Variants in MNAT1 observed in about 807,000 individuals in gnomAD.
MNAT1 encodes the protein CDK-activating kinase assembly factor MAT1.
Under a neutral mutation model 42.0 loss-of-function variants are expected in MNAT1, and 43 were observed. The observed-to-expected ratio is 1.02, with a 90% CI of 0.80 to 1.32. The LOEUF is 1.32. Among genes scored for constraint, MNAT1 ranks in the 40% most tolerant of loss-of-function variants. MNAT1 has a pLI of 0.00. For synonymous variants in MNAT1, 118 were observed against 120.0 expected, an observed-to-expected ratio of 0.98 and a Z score of 0.11; for missense variants, 306 against 350.4, an observed-to-expected ratio of 0.87 and a Z score of 1.01.
At chr14:60,890,107 A>G (rs1309368191) in intron 7 of MNAT1, among the ~76,000 whole-genome samples, 1 of 152,206 alleles carries the variant, frequency 6.6e-6, no homozygotes, top group African/African-American at 2.4e-5. Flanking sequence ...CTGGGTATAT[A>G]CCCAAAGGAC....
chr14:60,801,992 G>T (rs1036439950), intron 3 of MNAT1, among the ~76,000 whole-genome samples: 2 of 152,190 alleles, frequency 1.3e-5, no homozygotes, highest in Non-Finnish European at 2.9e-5. Flanking sequence ...CAACCTGGAG[G>T]ACATTATGCT....
At chr14:60,962,006 T>C (rs1341697461) in intron 7 of MNAT1, among the ~76,000 whole-genome samples, 1 of 152,198 alleles carries the variant, frequency 6.6e-6, no homozygotes, top group African/African-American at 2.4e-5. Flanking sequence ...TTCCAAGAAG[T>C]GACACTTGTT....
intron 6 of MNAT1, among the ~76,000 whole-genome samples, chr14:60,861,354 T>G (rs1444986936): frequency 1.3e-5 from 2 of 152,102 alleles, no homozygotes; most frequent in Non-Finnish European, 2.9e-5. Flanking sequence ...ATTTAAAACA[T>G]CTTCCTTAGA....
chr14:60,809,175 A>G (rs926390089), intron 4 of MNAT1, among the ~76,000 whole-genome samples: 2 of 152,136 alleles, frequency 1.3e-5, no homozygotes, highest in African/African-American at 4.8e-5. Context: ...TGTAGGGGAA[A>G]GCAGAGGTAA....
chr14:60,808,339 A>C lies in MNAT1; in HGVS notation c.331A>C (p.Asn111His), dbSNP rs193166798. ...TTCTAATGCAGTTTTCAACTTGACC[A>C]ACAATGTGGATTTGGACAACACCAA... Reference protein sequence around the residue: ...EVEEIVFNLTNNVDLDNTKKK... With the variant: ...EVEEIVFNLTHNVDLDNTKKK... The change falls in exon 4 of 8, where the codon AAC becomes CAC. Residue 111 changes from asparagine (N) to histidine (H), a missense_variant. By Grantham distance (68) the Asn-to-His change is moderately conservative. Transcript: ENST00000261245. 12 of 1,573,450 alleles carry C rather than the reference A, an allele frequency of 7.6e-6. No individual in the cohort carries two copies. The Admixed American group carries it at 2.4e-4, about 32-fold the overall frequency.
At chr14:60,770,733 G>C (rs192423131) in intron 1 of MNAT1, among the ~76,000 whole-genome samples, 1 of 151,982 alleles carries the variant, frequency 6.6e-6, no homozygotes, top group Non-Finnish European at 1.5e-5. Flanking sequence ...AAATGGTTGC[G>C]TTATTTTATA....
chr14:60,797,016 A>G (rs1474631743), intron 2 of MNAT1, among the ~76,000 whole-genome samples: 1 of 152,032 alleles, frequency 6.6e-6, no homozygotes, highest in Non-Finnish European at 1.5e-5. Flanking sequence ...ATATACCTAT[A>G]TATTATTAAT....
intron 7 of MNAT1, among the ~76,000 whole-genome samples, chr14:60,907,828 A>C (rs1173618395): frequency 2.0e-5 from 3 of 150,686 alleles, no homozygotes; most frequent in Non-Finnish European, 4.4e-5. Context: ...AATTTTAATG[A>C]AACAAAGATT....
At chr14:60,955,986 T>C (rs1458286228) in intron 7 of MNAT1, among the ~76,000 whole-genome samples, 2 of 152,104 alleles carry the variant, frequency 1.3e-5, no homozygotes, top group East Asian at 3.8e-4. Context: ...TTTTTCTTTC[T>C]ATTGTATGTC....
At chr14:60,866,629 T>C (rs2034209372) in intron 6 of MNAT1, among the ~76,000 whole-genome samples, 1 of 152,100 alleles carries the variant, frequency 6.6e-6, no homozygotes, top group Admixed American at 6.6e-5. Context: ...ACTCATGCCT[T>C]TCTCAAAAGT....
intron 7 of MNAT1, among the ~76,000 whole-genome samples, chr14:60,908,569 G>A (rs1415276340): frequency 3.3e-5 from 5 of 151,526 alleles, no homozygotes; most frequent in South Asian, 2.1e-4. Context: ...GAGAACATGC[G>A]GTGTTTGGTT....
At chr14:60,803,702 T>A (rs1333095992) in intron 3 of MNAT1, among the ~76,000 whole-genome samples, 7 of 152,092 alleles carry the variant, frequency 4.6e-5, no homozygotes, top group Non-Finnish European at 8.8e-5. Flanking sequence ...AAATCTGGAG[T>A]AAGAAAACTA....
intron 1 of MNAT1, among the ~76,000 whole-genome samples, chr14:60,752,937 G>A (rs1189708772): frequency 2.0e-5 from 3 of 152,094 alleles, no homozygotes; most frequent in South Asian, 4.1e-4. Context: ...ACTAATTTTT[G>A]TATTTTTAGT....
intron 7 of MNAT1, among the ~76,000 whole-genome samples, 176 bp from the exon 8 acceptor site, chr14:60,968,053 T>C (rs528027237): frequency 1.3e-5 from 2 of 152,374 alleles, no homozygotes; most frequent in East Asian, 3.9e-4. Flanking sequence ...AGGCACTCCA[T>C]GTACAGTTGG....
At position 60,879,783 on chromosome 14, in the gene MNAT1, A is replaced by G. The variant is rs767101957; in HGVS notation, c.757A>G (p.Ile253Val). The G allele has an allele frequency of 6.2e-7, 1 of 1,613,356 alleles. No individual in the cohort carries two copies. Among genetic ancestry groups the G allele is most frequent in the Non-Finnish European group, 8.5e-7 (1 of 1,179,468 alleles). Residue 253 changes from isoleucine (I) to valine (V), a missense_variant, in exon 7 of 8, where the codon ATA becomes GTA. Around this residue, in one of 3 missense-constraint regions of MNAT1, gnomAD observed 116 missense variants for 139.6 expected, o/e 0.83. Coordinates refer to ENST00000261245, the MANE Select transcript of MNAT1 (RefSeq NM_002431.4). ...EALYEYQPLQ[I>V]ETYGPHVPEL... ...TCTGTATGAATACCAGCCACTGCAGATAGAGACATATGGACCACATGTTCC... is the reference window on the plus strand; with the variant it reads ...TCTGTATGAATACCAGCCACTGCAGGTAGAGACATATGGACCACATGTTCC...
chr14:60,752,887 C>T (rs2030160094), intron 1 of MNAT1, among the ~76,000 whole-genome samples: 1 of 152,176 alleles, frequency 6.6e-6, no homozygotes, highest in African/African-American at 2.4e-5. Flanking sequence ...GCCTCAGCTT[C>T]CCGAGTAGCT....
intron 7 of MNAT1, among the ~76,000 whole-genome samples, chr14:60,918,842 G>T (rs1594872422): frequency 6.6e-6 from 1 of 151,148 alleles, no homozygotes; most frequent in Non-Finnish European, 1.5e-5. Context: ...TCTGAAATTG[G>T]GTTGTGGTGA....
chr14:60,962,670 C>T (rs1416755062), intron 7 of MNAT1, among the ~76,000 whole-genome samples: 1 of 152,106 alleles, frequency 6.6e-6, no homozygotes, highest in Non-Finnish European at 1.5e-5. Context: ...AGTTATAAGG[C>T]AGAAAGTCTT....
intron 7 of MNAT1, among the ~76,000 whole-genome samples, chr14:60,927,391 C>A (rs145666437): frequency 1.3e-5 from 2 of 152,100 alleles, no homozygotes; most frequent in African/African-American, 4.8e-5. Flanking sequence ...ACAAAGGTAA[C>A]GCATTTTAAA....
Sources: allele counts gnomAD v4.1 joint callset (sites outside exome capture counted in the v4.1 genomes callset), GRCh38; gene constraint gnomAD v4.1.1; regional missense constraint gnomAD v4.1.1; transcripts MANE v1.5; gene names NCBI Gene and HGNC (gene_info 2026-07-23, HGNC 2026-07-21).